The following CENPP variants were observed in gnomAD, a reference collection of about 807,000 sequenced individuals.
The protein encoded by CENPP is centromere protein P.
In CENPP, 24 loss-of-function variants were observed where a neutral mutation model predicts 35.6. The observed-to-expected ratio is 0.67, with a 90% CI of 0.49 to 0.95. The LOEUF (loss-of-function observed/expected upper bound fraction) is 0.95. CENPP is among the 40% of genes least tolerant of loss of function. The pLI, the probability that CENPP is intolerant of heterozygous loss-of-function variation, is 0.00. For missense variants in CENPP, 332 were observed against 345.3 expected (o/e 0.96, Z 0.31); for synonymous variants, 120 against 125.5 (o/e 0.96, Z 0.29).
intron 5 of CENPP, among the ~76,000 whole-genome samples, chr9:92,521,602 A>T (rs1488351241): frequency 6.6e-6 from 1 of 152,194 alleles, no homozygotes; most frequent in African/African-American, 2.4e-5. Flanking sequence ...ATTTAGTGGT[A>T]ACATGTCTAT....
At chr9:92,460,350 A>T (rs1416126738) in intron 5 of CENPP, 1 of 585,246 alleles carries the variant, frequency 1.7e-6, no homozygotes, top group Non-Finnish European at 3.0e-6. Flanking sequence ...GGTTCTTTCT[A>T]GTTTTCCCTT....
At chr9:92,540,404 C>T (rs898052642) in intron 5 of CENPP, among the ~76,000 whole-genome samples, 1 of 149,640 alleles carries the variant, frequency 6.7e-6, no homozygotes, top group African/African-American at 2.5e-5. Context: ...TGCCACTGCA[C>T]TCCAGCCTGG....
intron 5 of CENPP, chr9:92,393,041 T>C (rs776035461): frequency 5.3e-6 from 8 of 1,521,808 alleles, no homozygotes; most frequent in Non-Finnish European, 6.3e-6. Context: ...ATGAGTTAAA[T>C]ACTAATACGA....
intron 5 of CENPP, among the ~76,000 whole-genome samples, chr9:92,486,071 A>G (rs1175217599): frequency 1.3e-5 from 2 of 152,304 alleles, no homozygotes; most frequent in South Asian, 2.1e-4. Context: ...CAAATAGTGT[A>G]AGTGCTATGG....
intron 5 of CENPP, among the ~76,000 whole-genome samples, chr9:92,424,910 A>G (rs574239316): frequency 2.3e-4 from 35 of 152,234 alleles, no homozygotes; most frequent in South Asian, 8.3e-4. Flanking sequence ...TCCTGACCTC[A>G]GGTGATCCTC....
intron 5 of CENPP, among the ~76,000 whole-genome samples, chr9:92,418,065 GT>G (rs1051193451): frequency 6.6e-6 from 1 of 150,498 alleles, no homozygotes; most frequent in Non-Finnish European, 1.5e-5. Flanking sequence ...AATGAAGTGA[GT>G]TTTTTTTCTT....
chr9:92,375,855 CTTT>C (rs61124557), intron 4 of CENPP, among the ~76,000 whole-genome samples: 1 of 122,444 alleles, frequency 8.2e-6, no homozygotes. Flanking sequence ...CTGTTAATTT[CTTT>C]TTTTTTTTTT....
At position 92,618,458 on chromosome 9, in the gene CENPP, G is replaced by A. The variant is rs948731946; in HGVS notation, c.*5309G>A. 5.5e-5 allele frequency: 25 copies of A among 456,510 alleles called. No homozygotes were observed. Among genetic ancestry groups the A allele is most frequent in the Admixed American group, 3.3e-4 (14 of 42,548 alleles). 28.3% of individuals were successfully genotyped at this position (456,510 alleles called of 1,614,324 possible). ...GTGAGTAACATGTCTGTCCTTCAGCGGCCTTTCACAGCCCACCTAAGGGCA... is the reference window on the plus strand; with the variant it reads ...GTGAGTAACATGTCTGTCCTTCAGCAGCCTTTCACAGCCCACCTAAGGGCA... On this transcript the variant is annotated 3_prime_UTR_variant, in exon 8 of 8. Coordinates refer to ENST00000375587, the MANE Select transcript of CENPP (RefSeq NM_001012267.3).
intron 5 of CENPP, chr9:92,464,893 A>G (rs1409303653): frequency 4.1e-6 from 6 of 1,461,640 alleles, no homozygotes; most frequent in East Asian, 2.3e-5. Flanking sequence ...TTAAAATACC[A>G]TATCTTAGAT....
At chr9:92,345,011 G>C (rs1020329967) in intron 3 of CENPP, among the ~76,000 whole-genome samples, 1 of 151,592 alleles carries the variant, frequency 6.6e-6, no homozygotes, top group Non-Finnish European at 1.5e-5. Context: ...CAGCACTTTG[G>C]GAGGCTGAGG....
At chr9:92,495,641 CAA>C in intron 5 of CENPP, 1 of 929,390 alleles carries the variant, frequency 1.1e-6, no homozygotes, top group Non-Finnish European at 1.3e-6. Context: ...AGAAAAGTTT[CAA>C]AAAGAGTATA....
chr9:92,559,534 A>G (rs1849803288), intron 5 of CENPP, among the ~76,000 whole-genome samples: 1 of 151,918 alleles, frequency 6.6e-6, no homozygotes, highest in Non-Finnish European at 1.5e-5. Context: ...TCCTCTTGGG[A>G]TTGCCAATTT....
chr9:92,526,156 AG>A (rs1199429492), intron 5 of CENPP, among the ~76,000 whole-genome samples: 1 of 152,158 alleles, frequency 6.6e-6, no homozygotes, highest in Non-Finnish European at 1.5e-5. Context: ...CAAGATATGG[AG>A]GGGGAAGACA....
chr9:92,508,775 G>T (rs1371919872), intron 5 of CENPP, among the ~76,000 whole-genome samples: 1 of 152,046 alleles, frequency 6.6e-6, no homozygotes, highest in Non-Finnish European at 1.5e-5. Flanking sequence ...GAAGTGTTTT[G>T]TTCCTGTGAA....
chr9:92,404,475 A>G (rs1843242984), intron 5 of CENPP: 2 of 1,253,168 alleles, frequency 1.6e-6, no homozygotes, highest in African/African-American at 1.6e-5. Flanking sequence ...ATTTAAAATA[A>G]TATATGAAAA....
At chr9:92,463,358 G>A (rs1377372256) in intron 5 of CENPP, among the ~76,000 whole-genome samples, 2 of 152,086 alleles carry the variant, frequency 1.3e-5, no homozygotes, top group Non-Finnish European at 2.9e-5. Flanking sequence ...AATGTCAAGG[G>A]GATTTGAAGG....
At chr9:92,560,732 C>T (rs1290865628) in intron 5 of CENPP, among the ~76,000 whole-genome samples, 2 of 152,144 alleles carry the variant, frequency 1.3e-5, no homozygotes, top group African/African-American at 2.4e-5. Flanking sequence ...GACATGCCTC[C>T]ATGTATTCAC....
intron 5 of CENPP, among the ~76,000 whole-genome samples, chr9:92,560,622 A>C (rs549744018): frequency 6.9e-4 from 105 of 152,292 alleles, no homozygotes; most frequent in African/African-American, 2.3e-3. Flanking sequence ...AGCATCCATC[A>C]GCCAAAAATA....
intron 5 of CENPP, among the ~76,000 whole-genome samples, chr9:92,562,855 G>C (rs918362011): frequency 2.0e-5 from 3 of 152,050 alleles, no homozygotes; most frequent in Non-Finnish European, 2.9e-5. Flanking sequence ...CATCACTTAT[G>C]GGGGGGATAA....
Sources: gnomAD v4.1 joint callset for allele counts (sites outside exome capture counted in the v4.1 genomes callset) on GRCh38, gnomAD v4.1.1 for gene constraint, MANE v1.5 for transcripts, NCBI Gene and HGNC (gene_info 2026-07-23, HGNC 2026-07-21) for gene names.